IVNS1ABP: variants seen among roughly 807,000 people sequenced by gnomAD.
IVNS1ABP encodes influenza virus NS1A-binding protein.
Under a neutral mutation model 78.9 loss-of-function variants are expected in IVNS1ABP, and 25 were observed. The ratio of observed to expected loss-of-function variants is 0.32; its 90% CI spans 0.23 to 0.44. The LOEUF (loss-of-function observed/expected upper bound fraction) is 0.44. IVNS1ABP is among the 20% of genes least tolerant of loss of function. The pLI, the probability that IVNS1ABP is intolerant of heterozygous loss-of-function variation, is 1.00. For missense variants in IVNS1ABP, 494 were observed against 768.9 expected (o/e 0.64, Z 4.23); for synonymous variants, 241 against 259.7 (o/e 0.93, Z 0.69).
chr1:185,300,335 G>A lies in IVNS1ABP; in HGVS notation c.1251C>T (p.Leu417=). 6.2e-7 allele frequency: 1 copy of A among 1,613,476 alleles called. No individual in the cohort carries two copies. The highest frequency in any genetic ancestry group is 8.5e-7 in the Non-Finnish European group (1 of 1,179,738). Residue 417 remains leucine (L), a synonymous_variant, in exon 12 of 15, where the codon CTC becomes CTT. Coordinates refer to ENST00000367498, the MANE Select transcript of IVNS1ABP (RefSeq NM_006469.5). ...GGCCATTTGATCCACCTACCACATA[G>A]AGCTGGCCCTATGCCAAAAGTGAGA... ...RFQMAVLMGQ[L]YVVGGSNGHS...
rs1372495958 is a variant in IVNS1ABP at position 185,307,572 on chromosome 1, A to G, written c.448T>C (p.Leu150=). 1 of 1,613,622 alleles carries G rather than the reference A, an allele frequency of 6.2e-7. No individual in the cohort carries two copies. Among genetic ancestry groups the G allele is most frequent in the East Asian group, 2.2e-5 (1 of 44,842 alleles). Residue 150 remains leucine, a synonymous_variant, in exon 6 of 15, where the codon TTG becomes CTG. Transcript: ENST00000367498. ...FASCMGDSRL[L]NKVDAYIQEH... is the part of the protein sequence containing the mutation. ...TGAATATAAGCATCAACCTTATTCA[A>G]CAAACGGGAGTCTCCCATACAACTT...
At chr1:185,313,699 A>G (rs968976212) in intron 1 of IVNS1ABP, among the ~76,000 whole-genome samples, 2 of 152,190 alleles carry the variant, frequency 1.3e-5, no homozygotes, top group African/African-American at 4.8e-5. Context: ...ATCCAAACCA[A>G]AAGTCCAGAC....
intron 7 of IVNS1ABP, 88 bp downstream of exon 7, chr1:185,306,926 G>T: frequency 2.8e-6 from 4 of 1,444,882 alleles, no homozygotes; most frequent in East Asian, 2.3e-5. Context: ...TAGGGTCATG[G>T]TTATAAAATA....
At chr1:185,300,392 G>A in intron 11 of IVNS1ABP, 45 bp downstream of exon 11, 1 of 1,613,346 alleles carries the variant, frequency 6.2e-7, no homozygotes, top group Non-Finnish European at 8.5e-7. Context: ...GAAGTTACGA[G>A]GAAAAAGCTA....
chr1:185,298,506 A>G lies in IVNS1ABP; in HGVS notation c.1676-218T>C. Reference sequence around the variant, plus strand: ...ACCATTCCCACGTGGAACTTAGGCAACTTAAAAGGGGGAGGGAGAGGAAGC... The same window carrying G: ...ACCATTCCCACGTGGAACTTAGGCAGCTTAAAAGGGGGAGGGAGAGGAAGC... On this transcript the variant is annotated intron_variant, in intron 14 of 14. Coordinates refer to ENST00000367498, the MANE Select transcript of IVNS1ABP (RefSeq NM_006469.5). The surrounding 1 kb of genome is among the most constrained non-coding windows in gnomAD (Gnocchi z 4.1). The G allele has an allele frequency of 1.8e-6, 1 of 544,140 alleles. No homozygotes were observed. Among genetic ancestry groups the G allele is most frequent in the Non-Finnish European group, 3.2e-6 (1 of 311,972 alleles). The allele number at this position is 544,140 out of a possible 1,614,324, so 33.7% of individuals were successfully genotyped here.
rs1000999866 is a variant in IVNS1ABP, at chr1:185,300,817, T to G, written c.1120+155A>C. 1.4e-5 allele frequency: 10 copies of G among 694,966 alleles called. No individual in the cohort carries two copies. The Admixed American group carries it at 1.5e-4, about 10-fold the overall frequency. 43.0% of individuals were successfully genotyped at this position (694,966 alleles called of 1,614,324 possible). ...TTTTTTTAAAAATTAGATACAGACA[T>G]TGAACTGAAGGTTAGCCATATTCAA... is the stretch of plus-strand genomic sequence containing the variant. On this transcript the variant is annotated intron_variant, in intron 10 of 14. Coordinates refer to ENST00000367498, the MANE Select transcript of IVNS1ABP (RefSeq NM_006469.5).
chr1:185,307,062 C>G lies in IVNS1ABP; in HGVS notation c.609G>C (p.Gln203His). The G allele has an allele frequency of 1.2e-6, 2 of 1,613,582 alleles. No homozygotes were observed. Among genetic ancestry groups the G allele is most frequent in the Non-Finnish European group, 1.7e-6 (2 of 1,179,568 alleles). ...KLYTKVINWV[Q>H]RSIWENGDSL... ...TGTCTCCATTCTCCCAGATGCTACG[C>G]TGCACCCAGTTGATTACCTTTGTAT... is the stretch of plus-strand genomic sequence containing the variant. The change falls in exon 7 of 15, where the codon CAG (glutamine) becomes CAC (histidine). Residue 203 changes from glutamine (Q) to histidine (H), a missense_variant. Coordinates refer to ENST00000367498, the MANE Select transcript of IVNS1ABP (RefSeq NM_006469.5).
Position 185,296,746 on chromosome 1 carries a change from A to G in IVNS1ABP, c.*1289T>C, listed in dbSNP as rs1432593937. 1.3e-5 allele frequency: 2 copies of G among 151,402 alleles called. No individual in the cohort carries two copies. The highest frequency in any genetic ancestry group is 4.9e-5 in the African/African-American group (2 of 41,110). The allele number at this position is 151,402 out of a possible 1,614,324, so 9.4% of individuals were successfully genotyped here. On this transcript the variant is annotated 3_prime_UTR_variant, in exon 15 of 15. Transcript: ENST00000367498. The stretch of plus-strand genomic sequence containing the variant: ...TCCTGTGTGCTTCATCTTCTGTGAG[A>G]AAAAAAAACCTTATATCATTCCTTA...
chr1:185,316,851 G>C (rs1453480207), intron 1 of IVNS1ABP, 102 bp downstream of exon 1: 1 of 395,644 alleles, frequency 2.5e-6, no homozygotes. Flanking sequence ...CACCGCTTCC[G>C]CGCCTCCCAC....
chr1:185,306,719 A>C (rs747378278), intron 7 of IVNS1ABP: 3 of 1,025,770 alleles, frequency 2.9e-6, no homozygotes, highest in Non-Finnish European at 3.7e-6. Context: ...AAAAATTAAG[A>C]ATCTACAGAA....
chr1:185,306,436 T>C, intron 7 of IVNS1ABP: 3 of 1,282,106 alleles, frequency 2.3e-6, no homozygotes, highest in Non-Finnish European at 3.0e-6. Flanking sequence ...ACAACACCAT[T>C]GAAAAACACA....
In IVNS1ABP at chr1:185,305,503, A is replaced by C; in HGVS notation, c.765+33T>G. 6.2e-7 allele frequency: 1 copy of C among 1,608,228 alleles called. No individual in the cohort carries two copies. Among genetic ancestry groups the C allele is most frequent in the Non-Finnish European group, 8.5e-7 (1 of 1,177,226 alleles). On this transcript the variant is annotated intron_variant, in intron 8 of 14. Coordinates refer to ENST00000367498, the MANE Select transcript of IVNS1ABP (RefSeq NM_006469.5). This position sits in a 1 kb window ranked among gnomAD's most constrained non-coding sequence, Gnocchi z 4.0. Reference sequence around the variant, plus strand: ...TATCAAATTCTCTAGTCAAATTTTAACCTGAGGTTACCTCAGACTGTGCAA... The same window carrying C: ...TATCAAATTCTCTAGTCAAATTTTACCCTGAGGTTACCTCAGACTGTGCAA...
intron 1 of IVNS1ABP, among the ~76,000 whole-genome samples, chr1:185,314,547 AAG>A (rs1218733745): frequency 7.9e-5 from 12 of 152,208 alleles, no homozygotes; most frequent in Non-Finnish European, 1.8e-4. Context: ...GCGAGGAAGT[AAG>A]AGAGCCTAAT....
intron 8 of IVNS1ABP, among the ~76,000 whole-genome samples, chr1:185,302,470 A>C (rs1010432626): frequency 6.6e-6 from 1 of 152,166 alleles, no homozygotes; most frequent in Non-Finnish European, 1.5e-5. Flanking sequence ...TAGTTTGCTC[A>C]TCCCACTTGT....
intron 8 of IVNS1ABP, among the ~76,000 whole-genome samples, chr1:185,302,687 A>G (rs777410028): frequency 7.2e-5 from 11 of 152,172 alleles, no homozygotes; most frequent in Non-Finnish European, 1.5e-4. Flanking sequence ...CAGGGAATGT[A>G]TCATTATCAA....
chr1:185,300,367 A>G (rs1665541147), intron 11 of IVNS1ABP, 24 bp from the exon 12 acceptor site: 2 of 1,613,244 alleles, frequency 1.2e-6, no homozygotes, highest in African/African-American at 1.3e-5. Flanking sequence ...GAGAGATGAG[A>G]ATTTCTAACA....
intron 1 of IVNS1ABP, among the ~76,000 whole-genome samples, chr1:185,312,089 C>A (rs1420095094): frequency 1.3e-5 from 2 of 152,174 alleles, no homozygotes; most frequent in African/African-American, 4.8e-5. Flanking sequence ...AAAACTTGAA[C>A]ATAAAGATGA....
At chr1:185,303,478 C>T (rs1665653622) in intron 8 of IVNS1ABP, among the ~76,000 whole-genome samples, 2 of 152,108 alleles carry the variant, frequency 1.3e-5, no homozygotes, top group Non-Finnish European at 2.9e-5. Flanking sequence ...ATGTGTCCCT[C>T]GCATCCTCTT....
intron 5 of IVNS1ABP, 132 bp downstream of exon 5, chr1:185,308,668 T>C (rs1046708641): frequency 5.9e-6 from 4 of 680,154 alleles, no homozygotes; most frequent in East Asian, 5.1e-5. Flanking sequence ...AAATAACATA[T>C]TGACTACTCT....
Sources: gnomAD v4.1 joint callset for allele counts (sites outside exome capture counted in the v4.1 genomes callset) on GRCh38, gnomAD v4.1.1 for gene constraint, Gnocchi (gnomAD v3.1) non-coding constraint, MANE v1.5 for transcripts, NCBI Gene and HGNC (gene_info 2026-07-23, HGNC 2026-07-21) for gene names.